FAM3B: variants seen among roughly 807,000 people sequenced by gnomAD.
The protein encoded by FAM3B is protein FAM3B.
FAM3B carries 29 observed loss-of-function variants against 28.4 expected under a neutral mutation model. The ratio of observed to expected loss-of-function variants is 1.02; its 90% CI spans 0.76 to 1.39. FAM3B has a LOEUF of 1.39. Among genes scored for constraint, FAM3B ranks in the 40% most tolerant of loss-of-function variants. The pLI, the probability that FAM3B is intolerant of heterozygous loss-of-function variation, is 0.00. For synonymous variants in FAM3B, 91 were observed against 103.0 expected, an observed-to-expected ratio of 0.88 and a Z score of 0.71; for missense variants, 266 against 293.9, an observed-to-expected ratio of 0.91 and a Z score of 0.69.
At chr21:41,349,732 C>A (rs2089098385) in intron 7 of FAM3B, among the ~76,000 whole-genome samples, 1 of 152,202 alleles carries the variant, frequency 6.6e-6, no homozygotes, top group Non-Finnish European at 1.5e-5. Flanking sequence ...CACAACCAGA[C>A]AACTTGGAAC....
chr21:41,332,874 C>CA (rs75829766), intron 2 of FAM3B, among the ~76,000 whole-genome samples: 28,205 of 151,844 alleles, frequency 0.19, 2,882 homozygotes, highest in African/African-American at 0.28. Flanking sequence ...TATCTCTTTT[C>CA]AAAAAACCAA....
At chr21:41,322,009 G>A (rs2088811229) in intron 1 of FAM3B, among the ~76,000 whole-genome samples, 1 of 151,544 alleles carries the variant, frequency 6.6e-6, no homozygotes, top group East Asian at 1.9e-4. Flanking sequence ...GTCCCTATTA[G>A]CACATATTTA....
In FAM3B at chr21:41,316,918, G is replaced by A. The variant is rs2088754708; in HGVS notation, c.19+20G>A. The A allele has an allele frequency of 7.4e-7, 1 of 1,351,602 alleles. No individual in the cohort carries two copies. The highest frequency in any genetic ancestry group is 9.5e-7 in the Non-Finnish European group (1 of 1,050,392). 83.7% of individuals were successfully genotyped at this position (1,351,602 alleles called of 1,614,324 possible). The stretch of plus-strand genomic sequence containing the variant: ...CTGGTGGTGAGTGCGCCCCCGCCTC[G>A]GGGCGAGGGTAGGGGCGGGGAAGGA... On this transcript the variant is annotated intron_variant, in intron 1 of 7. Transcript: ENST00000357985.
chr21:41,346,317 G>A (rs1454598993), intron 5 of FAM3B: 2 of 152,998 alleles, frequency 1.3e-5, no homozygotes, highest in South Asian at 2.1e-4. Flanking sequence ...TGAAGACGAA[G>A]AATAGAAAAC....
In FAM3B at chr21:41,316,815, G is replaced by A; in HGVS notation, c.-65G>A. The A allele has an allele frequency of 1.4e-6, 2 of 1,414,314 alleles. No homozygotes were observed. Among genetic ancestry groups the A allele is most frequent in the Non-Finnish European group, 1.8e-6 (2 of 1,085,912 alleles). The allele number at this position is 1,414,314 out of a possible 1,614,324, so 87.6% of individuals were successfully genotyped here. ...CCGCCCCTTGCCTTCCTGACCCAGG[G>A]GCTCCGCTGGCTGCGGTCGCCTGGG... is the stretch of plus-strand genomic sequence containing the variant. On this transcript the variant is annotated 5_prime_UTR_variant, in exon 1 of 8. Transcript: ENST00000357985.
At chr21:41,330,834 C>T (rs1475750421) in intron 2 of FAM3B, among the ~76,000 whole-genome samples, 1 of 152,206 alleles carries the variant, frequency 6.6e-6, no homozygotes, top group African/African-American at 2.4e-5. Flanking sequence ...TTTCCTTATT[C>T]ATTCATTCAT....
chr21:41,319,234 C>A (rs2088779502), intron 1 of FAM3B, among the ~76,000 whole-genome samples: 1 of 152,148 alleles, frequency 6.6e-6, no homozygotes, highest in African/African-American at 2.4e-5. Flanking sequence ...CCTCCTGAGA[C>A]CCCTGTGGAT....
chr21:41,332,980 G>T (rs980698435), intron 2 of FAM3B, among the ~76,000 whole-genome samples: 1 of 150,720 alleles, frequency 6.6e-6, no homozygotes, highest in African/African-American at 2.4e-5. Context: ...CTAACTTTGG[G>T]CTTAGTTTGT....
rs763879094 is a variant in FAM3B, at chr21:41,357,099, T to C, written c.619-9T>C. 2.5e-6 allele frequency: 4 copies of C among 1,604,902 alleles called. No homozygotes were observed. The highest frequency in any genetic ancestry group is 3.4e-6 in the Non-Finnish European group (4 of 1,174,330). On this transcript the variant is annotated splice_polypyrimidine_tract_variant and intron_variant, in intron 7 of 7. Coordinates refer to ENST00000357985, the MANE Select transcript of FAM3B (RefSeq NM_058186.4). ...ATGAATAAATAAAACTCTTCTTTTC[T>C]CTACACAGATCAACCACTCTGATGC...
intron 1 of FAM3B, among the ~76,000 whole-genome samples, chr21:41,307,379 A>G (rs2123682310): frequency 6.6e-6 from 1 of 152,148 alleles, no homozygotes; most frequent in East Asian, 1.9e-4. Flanking sequence ...GAGCAATAAA[A>G]CTTTCTCCAT....
intron 7 of FAM3B, among the ~76,000 whole-genome samples, chr21:41,354,990 C>G (rs547839306): frequency 6.6e-6 from 1 of 152,042 alleles, no homozygotes; most frequent in East Asian, 1.9e-4. Flanking sequence ...GACAAATAAC[C>G]CAATTTAAAA....
Position 41,318,529 on chromosome 21 carries a change from T to G in FAM3B, c.19+1631T>G, listed in dbSNP as rs533133924. 2.0e-5 allele frequency among the ~76,000 whole-genome samples: 3 copies of G among 152,284 alleles called. No homozygotes were observed. The East Asian group carries it at 5.8e-4, about 29-fold the overall frequency. The stretch of plus-strand genomic sequence containing the variant: ...TAGCCCTTCTGCCAAAAAGGCTCAG[T>G]GCACAGGACAGTGATGACAGTGGAC... On this transcript the variant is annotated intron_variant, in intron 1 of 7. Coordinates refer to ENST00000357985, the MANE Select transcript of FAM3B (RefSeq NM_058186.4).
intron 2 of FAM3B, among the ~76,000 whole-genome samples, chr21:41,333,020 T>C (rs451736): frequency 0.35 from 52,463 of 151,602 alleles, 12,606 homozygotes; most frequent in African/African-American, 0.69. Context: ...TGATGTATAA[T>C]CTTAGGTTGT....
chr21:41,310,612 C>T (rs181709474), intron 1 of FAM3B, among the ~76,000 whole-genome samples: 30 of 152,308 alleles, frequency 2.0e-4, no homozygotes, highest in East Asian at 1.9e-3. Flanking sequence ...TCTGGCCCTT[C>T]CAAAATGAGC....
chr21:41,356,064 CACACACACACACACACACACAT>C (rs1456491668), intron 7 of FAM3B, among the ~76,000 whole-genome samples: 1 of 150,368 alleles, frequency 6.7e-6, no homozygotes, highest in Non-Finnish European at 1.5e-5. Context: ...CACACACACA[CACACACACACACACACACACAT>C]AGTTTTACTC....
intron 1 of FAM3B, among the ~76,000 whole-genome samples, chr21:41,304,767 GA>G (rs753726071): frequency 2.0e-5 from 3 of 152,200 alleles, no homozygotes; most frequent in Non-Finnish European, 4.4e-5. Context: ...GCTTGTCCCT[GA>G]AAACATTGGG....
chr21:41,347,109 G>C lies in FAM3B; in HGVS notation c.485+9G>C. On this transcript the variant is annotated intron_variant, in intron 6 of 7. Transcript: ENST00000357985. ...GACGACGGAAGCACAAGGTGAGTGG[G>C]TGTAGGTCTGTCACAGCGGTGGGCA... is the stretch of plus-strand genomic sequence containing the variant. 1 of 1,613,710 alleles carries C rather than the reference G, an allele frequency of 6.2e-7. No homozygotes were observed. Among genetic ancestry groups the C allele is most frequent in the Non-Finnish European group, 8.5e-7 (1 of 1,179,638 alleles).
intron 3 of FAM3B, among the ~76,000 whole-genome samples, chr21:41,341,378 G>A (rs1184982173): frequency 6.6e-6 from 1 of 152,162 alleles, no homozygotes; most frequent in Non-Finnish European, 1.5e-5. Flanking sequence ...CACCATCCTG[G>A]CTAAGAAATA....
intron 3 of FAM3B, 30 bp from the exon 4 acceptor site, chr21:41,344,446 G>A: frequency 6.2e-7 from 1 of 1,610,100 alleles, no homozygotes; most frequent in African/African-American, 1.3e-5. Flanking sequence ...ACGCCTCTTG[G>A]TACTTGACTA....
Sources: gnomAD v4.1 joint callset for allele counts (sites outside exome capture counted in the v4.1 genomes callset) on GRCh38, gnomAD v4.1.1 for gene constraint, MANE v1.5 for transcripts, NCBI Gene and HGNC (gene_info 2026-07-23, HGNC 2026-07-21) for gene names.